LRP1B: variants seen among roughly 807,000 people sequenced by gnomAD.
LRP1B encodes low-density lipoprotein receptor-related protein 1B.
In LRP1B, 217 loss-of-function variants were observed where a neutral mutation model predicts 556.6. That is an observed-to-expected ratio of 0.39 (90% CI 0.35 to 0.44). The LOEUF (loss-of-function observed/expected upper bound fraction) is 0.44. Among genes scored for constraint, LRP1B ranks in the 20% least tolerant of loss-of-function variants. LRP1B has a pLI of 1.00. For missense variants in LRP1B, 5,053 were observed against 5,620.8 expected, an observed-to-expected ratio of 0.90 and a Z score of 3.23; for synonymous variants, 2,047 against 1,865.8, an observed-to-expected ratio of 1.10 and a Z score of -2.50.
chr2:141,897,886 A>T (rs1338049700), intron 1 of LRP1B, among the ~76,000 whole-genome samples: 1 of 152,122 alleles, frequency 6.6e-6, no homozygotes, highest in Non-Finnish European at 1.5e-5. Flanking sequence ...TTGTGCATAC[A>T]CACACACGTG....
chr2:141,936,406 A>G (rs1322959940), intron 1 of LRP1B, among the ~76,000 whole-genome samples: 2 of 152,198 alleles, frequency 1.3e-5, no homozygotes, highest in African/African-American at 4.8e-5. Flanking sequence ...TACAAAAATC[A>G]TATGTTTCTA....
At chr2:141,453,979 C>T (rs989334363) in intron 3 of LRP1B, among the ~76,000 whole-genome samples, 1 of 151,906 alleles carries the variant, frequency 6.6e-6, no homozygotes, top group Admixed American at 6.6e-5. Context: ...ATCACCTCAT[C>T]CATTATCTAA....
chr2:140,716,454 A>G (rs571451524), intron 36 of LRP1B, among the ~76,000 whole-genome samples: 1 of 152,174 alleles, frequency 6.6e-6, no homozygotes, highest in East Asian at 1.9e-4. Context: ...CTCTCAGGAG[A>G]TTTGGGCAAA....
intron 18 of LRP1B, among the ~76,000 whole-genome samples, chr2:140,966,234 A>G (rs1385307678): frequency 6.6e-6 from 1 of 152,096 alleles, no homozygotes; most frequent in African/African-American, 2.4e-5. Context: ...CTGACTTTTT[A>G]ATGATTGCCA....
intron 1 of LRP1B, among the ~76,000 whole-genome samples, chr2:142,096,094 A>C (rs1444208867): frequency 2.0e-5 from 3 of 151,760 alleles, no homozygotes; most frequent in Admixed American, 2.0e-4. Flanking sequence ...TAACATTTGT[A>C]TTATACTGAC....
chr2:140,536,583 CAGT>C lies in LRP1B; in HGVS notation c.7637_7639del (p.Tyr2546del). 1 of 1,608,264 alleles carries C rather than the reference CAGT, an allele frequency of 6.2e-7. No individual in the cohort carries two copies. The highest frequency in any genetic ancestry group is 8.5e-7 in the Non-Finnish European group (1 of 1,178,062). On this transcript the variant is annotated inframe_deletion, in exon 46 of 91. Transcript: ENST00000389484. Reference sequence around the variant, plus strand: ...GCAAACCCATATTGGACACTTACCACAGTAGAGCAGTTTTTCATCTGATTTATC... The same window carrying C: ...GCAAACCCATATTGGACACTTACCACAGAGCAGTTTTTCATCTGATTTATC...
chr2:141,044,090 G>A (rs1436558920), intron 11 of LRP1B, among the ~76,000 whole-genome samples: 1 of 151,786 alleles, frequency 6.6e-6, no homozygotes, highest in Non-Finnish European at 1.5e-5. Context: ...CAATGGAACA[G>A]AACAGAGCCC....
At chr2:140,647,497 C>T (rs184640153) in intron 41 of LRP1B, among the ~76,000 whole-genome samples, 15 of 151,966 alleles carry the variant, frequency 9.9e-5, no homozygotes, top group African/African-American at 2.2e-4. Flanking sequence ...AGAGTGAAGA[C>T]GGTGTTATTA....
At chr2:140,373,169 T>C in intron 68 of LRP1B, 32 bp from the exon 69 acceptor site, 1 of 1,601,932 alleles carries the variant, frequency 6.2e-7, no homozygotes, top group Non-Finnish European at 8.5e-7. Context: ...TAATCAAAAT[T>C]AAAATTTTAG....
At chr2:141,767,866 G>T (rs887271064) in intron 2 of LRP1B, among the ~76,000 whole-genome samples, 9 of 152,088 alleles carry the variant, frequency 5.9e-5, no homozygotes, top group Admixed American at 1.3e-4. Context: ...TGAATCAAAA[G>T]AAGCTAATTT....
intron 3 of LRP1B, among the ~76,000 whole-genome samples, chr2:141,261,482 C>T (rs1267642012): frequency 3.3e-5 from 5 of 151,994 alleles, no homozygotes; most frequent in African/African-American, 9.7e-5. Context: ...GGATCATTAC[C>T]CCAAAATACC....
intron 62 of LRP1B, among the ~76,000 whole-genome samples, chr2:140,452,044 T>C (rs1686906715): frequency 6.6e-6 from 1 of 152,158 alleles, no homozygotes; most frequent in East Asian, 1.9e-4. Context: ...TGAATTGTTA[T>C]ATGGCAATAT....
At chr2:141,361,068 T>C (rs1267836488) in intron 3 of LRP1B, among the ~76,000 whole-genome samples, 25 of 152,170 alleles carry the variant, frequency 1.6e-4, no homozygotes. Context: ...AGGTAATGGA[T>C]GCTAAAAGGT....
chr2:142,077,591 G>C (rs1705553411), intron 1 of LRP1B, among the ~76,000 whole-genome samples: 1 of 152,074 alleles, frequency 6.6e-6, no homozygotes, highest in South Asian at 2.1e-4. Context: ...ATAAGTTTCT[G>C]TTTGGATTTA....
At chr2:141,235,741 G>A (rs1029481839) in intron 5 of LRP1B, among the ~76,000 whole-genome samples, 2 of 151,992 alleles carry the variant, frequency 1.3e-5, no homozygotes, top group African/African-American at 4.8e-5. Flanking sequence ...TGTAATACAT[G>A]GTTCACATTT....
intron 66 of LRP1B, among the ~76,000 whole-genome samples, chr2:140,400,207 A>G (rs1452637747): frequency 1.3e-5 from 2 of 152,178 alleles, no homozygotes; most frequent in Non-Finnish European, 2.9e-5. Context: ...AAGCACATGC[A>G]ACTCTGCCTG....
At chr2:140,438,259 C>T (rs1686274408) in intron 66 of LRP1B, among the ~76,000 whole-genome samples, 1 of 152,182 alleles carries the variant, frequency 6.6e-6, no homozygotes, top group Non-Finnish European at 1.5e-5. Flanking sequence ...CCTGCCTTGG[C>T]CTCCCAAAGT....
chr2:140,526,826 G>A (rs1260652246), intron 47 of LRP1B, among the ~76,000 whole-genome samples: 4 of 151,628 alleles, frequency 2.6e-5, no homozygotes, highest in Admixed American at 2.0e-4. Flanking sequence ...TTGCCAAGAA[G>A]TAAAGCATTT....
intron 14 of LRP1B, among the ~76,000 whole-genome samples, chr2:141,007,471 G>T (rs1323730450): frequency 1.3e-5 from 2 of 151,000 alleles, no homozygotes; most frequent in Non-Finnish European, 3.0e-5. Flanking sequence ...TGAATTCAGA[G>T]GGTAATTAAG....
Sources: gnomAD v4.1 joint callset for allele counts (sites outside exome capture counted in the v4.1 genomes callset) on GRCh38, gnomAD v4.1.1 for gene constraint, MANE v1.5 for transcripts, NCBI Gene and HGNC (gene_info 2026-07-23, HGNC 2026-07-21) for gene names.